Variants in PGPEP1L observed in about 807,000 individuals in gnomAD.
The protein encoded by PGPEP1L is pyroglutamyl-peptidase I like.
PGPEP1L carries 7 observed loss-of-function variants against 6.0 expected under a neutral mutation model. That is an observed-to-expected ratio of 1.17 (90% confidence interval 0.66 to 2.19). The LOEUF is 2.19. Among genes scored for constraint, PGPEP1L ranks in the 30% most tolerant of loss-of-function variants. PGPEP1L has a pLI of 0.00. For synonymous variants in PGPEP1L, 103 were observed against 83.9 expected (o/e 1.23, Z -1.24); for missense variants, 209 against 192.5 (o/e 1.09, Z -0.51).
At chr15:98,982,700 C>CTTTTATTTTTTTTTT (rs2017682867) in intron 2 of PGPEP1L, among the ~76,000 whole-genome samples, 1 of 52,458 alleles carries the variant, frequency 1.9e-5, no homozygotes, top group African/African-American at 5.1e-5. Context: ...TTATCTGAGG[C>CTTTTATTTTTTTTTT]TTTTTTTTTT....
At chr15:99,005,086 G>A (rs1208247748) in intron 2 of PGPEP1L, among the ~76,000 whole-genome samples, 18 of 152,098 alleles carry the variant, frequency 1.2e-4, no homozygotes, top group African/African-American at 4.1e-4. Flanking sequence ...TACCTCACGT[G>A]CCTCGGGCCC....
intron 2 of PGPEP1L, among the ~76,000 whole-genome samples, 166 bp from the exon 3 acceptor site, chr15:98,971,324 G>C (rs1227581221): frequency 6.6e-6 from 1 of 151,934 alleles, no homozygotes; most frequent in Non-Finnish European, 1.5e-5. Context: ...CAAGAAGAGA[G>C]CCACAGTTCC....
intron 2 of PGPEP1L, among the ~76,000 whole-genome samples, chr15:99,001,910 G>GT (rs1462591531): frequency 6.6e-6 from 1 of 152,108 alleles, no homozygotes; most frequent in Non-Finnish European, 1.5e-5. Context: ...TAGAGATGGG[G>GT]TTTCACTATG....
chr15:98,978,711 T>C (rs1373993294), intron 2 of PGPEP1L, among the ~76,000 whole-genome samples: 3 of 35,360 alleles, frequency 8.5e-5, no homozygotes, highest in Non-Finnish European at 6.7e-5. Flanking sequence ...ACTGTGTATA[T>C]ATATATATAT....
At chr15:98,970,539 G>C (rs1031301505) in intron 3 of PGPEP1L, among the ~76,000 whole-genome samples, 1 of 139,306 alleles carries the variant, frequency 7.2e-6, no homozygotes, top group African/African-American at 2.9e-5. Context: ...TCTGGTCCTT[G>C]TTTGGGGTTT....
chr15:99,006,413 CAG>C (rs1596532291), intron 1 of PGPEP1L, among the ~76,000 whole-genome samples: 1 of 152,374 alleles, frequency 6.6e-6, no homozygotes, highest in South Asian at 2.1e-4. Flanking sequence ...CCTGGCTCTG[CAG>C]ACAGTCCTCT....
intron 2 of PGPEP1L, among the ~76,000 whole-genome samples, chr15:98,979,376 T>C (rs908169001): frequency 1.3e-5 from 2 of 151,418 alleles, no homozygotes; most frequent in African/African-American, 4.9e-5. Context: ...ATCAATAAAA[T>C]ATGGTAGGCG....
chr15:98,989,155 G>C (rs1261905627), intron 2 of PGPEP1L, among the ~76,000 whole-genome samples: 1 of 152,180 alleles, frequency 6.6e-6, no homozygotes, highest in Non-Finnish European at 1.5e-5. Context: ...ACAGAAGTAG[G>C]CTTCACAAGG....
At chr15:99,003,216 A>T in intron 2 of PGPEP1L, among the ~76,000 whole-genome samples, 1 of 150,534 alleles carries the variant, frequency 6.6e-6, no homozygotes, top group Admixed American at 6.6e-5. Flanking sequence ...AAAAAAAAAA[A>T]AGCACTGAGA....
At chr15:98,988,201 G>A (rs1555471724) in intron 2 of PGPEP1L, among the ~76,000 whole-genome samples, 1 of 152,088 alleles carries the variant, frequency 6.6e-6, no homozygotes, top group Non-Finnish European at 1.5e-5. Context: ...GACTCAGTGG[G>A]TCCCACTCCC....
At chr15:98,976,822 A>AT (rs1246267816) in intron 2 of PGPEP1L, among the ~76,000 whole-genome samples, 1 of 152,114 alleles carries the variant, frequency 6.6e-6, no homozygotes, top group Admixed American at 6.6e-5. Context: ...GAGATAATAC[A>AT]TTTTTACAGA....
rs1272837660 is a variant in PGPEP1L at position 99,005,416 on chromosome 15, T to A, written c.-142+13A>T. On this transcript the variant is annotated intron_variant, in intron 2 of 4. Coordinates refer to ENST00000535714, the MANE Select transcript of PGPEP1L (RefSeq NM_001167902.2). ...AGCAACAAATAGGAGAGAAAAAAAT[T>A]ATGTAGTCTTACCAGTCACCACCAC... 6 of 152,496 alleles carry A rather than the reference T, an allele frequency of 3.9e-5. No homozygotes were observed. The highest frequency in any genetic ancestry group is 9.7e-5 in the African/African-American group (4 of 41,432). 9.4% of individuals were successfully genotyped at this position (152,496 alleles called of 1,614,324 possible).
intron 2 of PGPEP1L, among the ~76,000 whole-genome samples, chr15:98,975,411 G>T (rs970637331): frequency 6.6e-6 from 1 of 152,226 alleles, no homozygotes; most frequent in South Asian, 2.1e-4. Context: ...CAATAGCATA[G>T]TAGGGTGACA....
intron 1 of PGPEP1L, among the ~76,000 whole-genome samples, chr15:99,006,958 C>T (rs2018078131): frequency 6.6e-6 from 1 of 152,334 alleles, no homozygotes; most frequent in African/African-American, 2.4e-5. Context: ...CCTGCGGCCT[C>T]TAGAGAGCTC....
At chr15:98,996,517 TA>T (rs1163061250) in intron 2 of PGPEP1L, among the ~76,000 whole-genome samples, 2 of 33,362 alleles carry the variant, frequency 6.0e-5, no homozygotes, top group East Asian at 1.6e-3. Context: ...CATGTGTATA[TA>T]GGGGTATGTG....
chr15:98,968,730 G>T, intron 4 of PGPEP1L, 33 bp from the exon 5 acceptor site: 1 of 1,539,452 alleles, frequency 6.5e-7, no homozygotes. Flanking sequence ...ATTAATTCTC[G>T]GACCAGCCTC....
At chr15:98,988,095 A>AT (rs1332980024) in intron 2 of PGPEP1L, among the ~76,000 whole-genome samples, 3 of 151,828 alleles carry the variant, frequency 2.0e-5, no homozygotes, top group East Asian at 1.9e-4. Flanking sequence ...GCAGGAGTTT[A>AT]TTTTTTTTCA....
At chr15:98,988,507 A>G (rs2017778396) in intron 2 of PGPEP1L, among the ~76,000 whole-genome samples, 1 of 152,182 alleles carries the variant, frequency 6.6e-6, no homozygotes, top group African/African-American at 2.4e-5. Context: ...ACATATAGCT[A>G]AAACCCCCAT....
In PGPEP1L at chr15:98,971,056, A is replaced by G. The variant is rs1430977785; in HGVS notation, c.-39T>C. ...CTTACTTGCGGCTGATGATCTTCCC[A>G]GATTCCGGTGACCCTCCGCTTAGCC... On this transcript the variant is annotated 5_prime_UTR_variant, in exon 3 of 5. Transcript: ENST00000535714. 3 of 1,613,726 alleles carry G rather than the reference A, an allele frequency of 1.9e-6. 1 individual carries two copies. Among genetic ancestry groups the G allele is most frequent in the Admixed American group, 3.3e-5 (2 of 59,998 alleles).
Sources: allele counts gnomAD v4.1 joint callset (sites outside exome capture counted in the v4.1 genomes callset), GRCh38; gene constraint gnomAD v4.1.1; transcripts MANE v1.5; gene names NCBI Gene and HGNC (gene_info 2026-07-23, HGNC 2026-07-21).